TAF1: variants seen among roughly 807,000 people sequenced by gnomAD.
The protein encoded by TAF1 is transcription initiation factor TFIID subunit 1.
A neutral mutation model predicts 138.5 loss-of-function variants in TAF1; 2 were observed. The ratio of observed to expected loss-of-function variants is 0.01; its 90% CI spans 0.01 to 0.05. The LOEUF is 0.05. TAF1 is among the 10% of genes least tolerant of loss of function. The pLI, the probability that TAF1 is intolerant of heterozygous loss-of-function variation, is 1.00. For missense variants in TAF1, 709 were observed against 1,478.0 expected (o/e 0.48, Z 8.53); for synonymous variants, 437 against 503.2 (o/e 0.87, Z 1.76).
intron 13 of TAF1, among the ~76,000 whole-genome samples, chrX:71,524,029 T>A (rs2039951414): frequency 9.6e-6 from 1 of 103,888 alleles, no homozygotes; most frequent in Admixed American, 1.0e-4. Context: ...CTTTTTTTTT[T>A]TTTTTTTTTT....
intron 4 of TAF1, among the ~76,000 whole-genome samples, chrX:71,376,486 T>A: frequency 9.1e-6 from 1 of 110,001 alleles, no homozygotes; most frequent in Non-Finnish European, 1.9e-5. Flanking sequence ...GCCAAGATGG[T>A]GAAACCCCGT....
chrX:71,412,648 C>T (rs2035856525), intron 28 of TAF1, among the ~76,000 whole-genome samples: 1 of 112,020 alleles, frequency 8.9e-6, no homozygotes, highest in African/African-American at 3.2e-5. Flanking sequence ...AGTGCAGTGG[C>T]ACGATCTCCG....
In TAF1 at chrX:71,377,457, C is replaced by T. The variant is rs879178318; in HGVS notation, c.715-146C>T. The T allele has an allele frequency of 8.4e-5, 70 of 829,959 alleles. No homozygotes were observed. In the South Asian group the frequency reaches 1.9e-3, roughly 23 times the overall value. The allele number at this position is 829,959 out of a possible 1,213,427, so 68.4% of individuals were successfully genotyped here. A position where few individuals can be genotyped will look rare whatever the true frequency, so the allele number is the denominator to read the frequency against. ...TTATTAAGGAACGCTTCTTTACTTT[C>T]TTAGACGTTACAAGTCTGAATGCGA... is the stretch of plus-strand genomic sequence containing the variant. On this transcript the variant is annotated intron_variant, in intron 5 of 37. Coordinates refer to ENST00000423759, the MANE Select transcript of TAF1 (RefSeq NM_004606.5).
chrX:71,529,220 C>T (rs1018989676), intron 14 of TAF1, among the ~76,000 whole-genome samples: 11 of 110,024 alleles, frequency 1.0e-4, no homozygotes, highest in Non-Finnish European at 1.7e-4. Context: ...TACAGGTGCC[C>T]GCCACCACGC....
At chrX:71,410,454 C>CTTTT (rs57027102) in intron 28 of TAF1, among the ~76,000 whole-genome samples, 11 of 70,618 alleles carry the variant, frequency 1.6e-4, no homozygotes, top group African/African-American at 2.3e-4. Context: ...TTTCTTTTTT[C>CTTTT]TTTTTTTTTT....
intron 19 of TAF1, 74 bp from the exon 20 acceptor site, chrX:71,392,801 A>G (rs779616376): frequency 8.4e-7 from 1 of 1,197,557 alleles, no homozygotes; most frequent in Non-Finnish European, 1.1e-6. Flanking sequence ...TAGTTAAGGT[A>G]GCAGAATGAC....
intron 30 of TAF1, 158 bp downstream of exon 30, chrX:71,423,397 T>C: frequency 2.1e-6 from 1 of 478,304 alleles, no homozygotes; most frequent in Non-Finnish European, 2.6e-6. Context: ...GCTATATGGG[T>C]ACATTATCTT....
At position 71,375,205 on chromosome X, in the gene TAF1, A is replaced by G; in HGVS notation, c.391A>G (p.Ile131Val). Residue 131 changes from isoleucine to valine, a missense_variant, in exon 4 of 38, where the codon ATT becomes GTT. Physicochemically the swap from Ile to Val is conservative, Grantham distance 29. Transcript: ENST00000423759. ...TGACTATGATGCTGATTGTGAAGAC[A>G]TTGATTGCAAGTTGATGCCTCCTCC... is the stretch of plus-strand genomic sequence containing the variant. Reference protein sequence around the residue: ...EDDYDADCEDIDCKLMPPPPP... With the variant: ...EDDYDADCEDVDCKLMPPPPP... The G allele has an allele frequency of 8.3e-7, 1 of 1,211,343 alleles. No homozygotes were observed. The highest frequency in any genetic ancestry group is 1.8e-5 in the South Asian group (1 of 56,947).
chrX:71,370,729 A>G (rs1327668217), intron 3 of TAF1, among the ~76,000 whole-genome samples: 1 of 111,943 alleles, frequency 8.9e-6, no homozygotes, highest in Non-Finnish European at 1.9e-5. Context: ...CTTCTGATAA[A>G]TGTAGATAAA....
chrX:71,376,005 C>T (rs1462523307), intron 4 of TAF1, among the ~76,000 whole-genome samples: 1 of 112,453 alleles, frequency 8.9e-6, no homozygotes, highest in Non-Finnish European at 1.9e-5. Context: ...ATAGTGTCAA[C>T]TACCAGATAT....
At chrX:71,426,145 TTTC>T (rs1490732321) in intron 32 of TAF1, among the ~76,000 whole-genome samples, 4 of 110,371 alleles carry the variant, frequency 3.6e-5, no homozygotes, top group Non-Finnish European at 5.7e-5. Flanking sequence ...GAGGGTTTTC[TTTC>T]TTCTTTTTCT....
intron 25 of TAF1, among the ~76,000 whole-genome samples, chrX:71,402,386 G>T (rs1386654666): frequency 1.8e-5 from 2 of 112,299 alleles, no homozygotes; most frequent in African/African-American, 6.5e-5. Context: ...GGGATTACAG[G>T]CGTGCTGGGA....
chrX:71,372,639 CAAAA>C (rs113198786), intron 3 of TAF1, among the ~76,000 whole-genome samples: 1 of 93,450 alleles, frequency 1.1e-5, no homozygotes, highest in African/African-American at 3.9e-5. Flanking sequence ...ACCCCTGTCT[CAAAA>C]AAAAAAAAAT....
intron 28 of TAF1, among the ~76,000 whole-genome samples, chrX:71,417,906 C>G (rs750033510): frequency 9.0e-6 from 1 of 111,229 alleles, no homozygotes; most frequent in Admixed American, 9.6e-5. Flanking sequence ...TAGACACATA[C>G]AGAAATAAAA....
At chrX:71,424,844 C>G (rs1360526443) in intron 32 of TAF1, among the ~76,000 whole-genome samples, 1 of 111,054 alleles carries the variant, frequency 9.0e-6, no homozygotes, top group Non-Finnish European at 1.9e-5. Context: ...AGGCTGGTCT[C>G]GAATTCCTGA....
At chrX:71,523,033 T>G (rs1345723051) in intron 13 of TAF1, among the ~76,000 whole-genome samples, 1 of 108,574 alleles carries the variant, frequency 9.2e-6, no homozygotes, top group Non-Finnish European at 1.9e-5. Flanking sequence ...AATACAAAAA[T>G]TAGCTGCGCA....
intron 32 of TAF1, among the ~76,000 whole-genome samples, chrX:71,453,895 A>T (rs772114677): frequency 4.4e-4 from 49 of 111,766 alleles, no homozygotes; most frequent in African/African-American, 1.6e-3. Context: ...GCTTCAAAAC[A>T]ATTTGAGAAG....
chrX:71,508,086 C>CTCTCTATATATA (rs4040068), intron 13 of TAF1, among the ~76,000 whole-genome samples: 3 of 92,199 alleles, frequency 3.3e-5, no homozygotes, highest in African/African-American at 4.3e-5. Context: ...CTCTCTCTCT[C>CTCTCTATATATA]TATATATATA....
rs1159362770 is a variant in TAF1 at position 71,452,906 on chromosome X, C to T, written c.4754-1264C>T. 6.2e-5 allele frequency among the ~76,000 whole-genome samples: 7 copies of T among 112,361 alleles called. No homozygotes were observed. In the South Asian group the frequency reaches 1.5e-3, roughly 24 times the overall value. On this transcript the variant is annotated intron_variant, in intron 32 of 37. Coordinates refer to ENST00000423759, the MANE Select transcript of TAF1 (RefSeq NM_004606.5). ...AAACCCGGTCTCCACCAAAAAAATA[C>T]GAAAACCAGTCAGGCGTGGTGGCGC...
Sources: gnomAD v4.1 joint callset for allele counts (sites outside exome capture counted in the v4.1 genomes callset) on GRCh38, gnomAD v4.1.1 for gene constraint, MANE v1.5 for transcripts, NCBI Gene and HGNC (gene_info 2026-07-23, HGNC 2026-07-21) for gene names.